Variants in PHACTR1 observed in about 807,000 individuals in gnomAD.
PHACTR1 encodes the protein phosphatase and actin regulator 1.
A neutral mutation model predicts 69.2 loss-of-function variants in PHACTR1; 16 were observed. The ratio of observed to expected loss-of-function variants is 0.23; its 90% CI spans 0.16 to 0.35. The LOEUF (loss-of-function observed/expected upper bound fraction) is 0.35, where lower values mean the gene tolerates loss of function less well. Among genes scored for constraint, PHACTR1 ranks in the 10% least tolerant of loss-of-function variants. The pLI is 1.00. For missense variants in PHACTR1, 510 were observed against 734.7 expected, an observed-to-expected ratio of 0.69 and a Z score of 3.54; for synonymous variants, 312 against 284.5, an observed-to-expected ratio of 1.10 and a Z score of -0.97.
intron 5 of PHACTR1, among the ~76,000 whole-genome samples, chr6:13,117,182 A>T (rs2127930918): frequency 6.6e-6 from 1 of 152,300 alleles, no homozygotes; most frequent in African/African-American, 2.4e-5. Flanking sequence ...TCTTTTCCCC[A>T]GTCTCTTGGA....
At chr6:12,817,452 T>C (rs1775714615) in intron 4 of PHACTR1, among the ~76,000 whole-genome samples, 1 of 152,236 alleles carries the variant, frequency 6.6e-6, no homozygotes, top group Non-Finnish European at 1.5e-5. Flanking sequence ...AACCGGGCTC[T>C]GCCATATACT....
intron 3 of PHACTR1, among the ~76,000 whole-genome samples, chr6:12,729,862 AT>A (rs1224973037): frequency 6.6e-6 from 1 of 152,120 alleles, no homozygotes; most frequent in Non-Finnish European, 1.5e-5. Context: ...TTTTTTCCTG[AT>A]TATGCGGTGA....
chr6:12,949,269 C>CAAAAAAAAAA (rs201027793), intron 4 of PHACTR1, among the ~76,000 whole-genome samples: 1 of 57,032 alleles, frequency 1.8e-5, no homozygotes. Context: ...AACGTCATCT[C>CAAAAAAAAAA]AAAAAAAAAA....
chr6:12,982,249 T>C (rs1795609100), intron 4 of PHACTR1, among the ~76,000 whole-genome samples: 1 of 152,186 alleles, frequency 6.6e-6, no homozygotes, highest in Non-Finnish European at 1.5e-5. Context: ...CAACCCCTAA[T>C]AGTCCTCTAG....
intron 4 of PHACTR1, among the ~76,000 whole-genome samples, chr6:12,750,282 C>T (rs1766444964): frequency 6.6e-6 from 1 of 152,164 alleles, no homozygotes; most frequent in African/African-American, 2.4e-5. Flanking sequence ...CTTTTCCTTG[C>T]ACCAAGCAGC....
chr6:13,225,359 C>G (rs1324518034), intron 8 of PHACTR1, among the ~76,000 whole-genome samples: 1 of 152,208 alleles, frequency 6.6e-6, no homozygotes, highest in Admixed American at 6.5e-5. Flanking sequence ...AAGTCTTTAG[C>G]TGTTTCTCTA....
intron 7 of PHACTR1, chr6:13,196,473 C>G (rs565195636): frequency 3.4e-5 from 6 of 174,452 alleles, no homozygotes; most frequent in South Asian, 3.2e-4. Context: ...CACGGTGGAG[C>G]GCAGTGGTAC....
At chr6:13,257,840 T>G (rs1475101515) in intron 10 of PHACTR1, among the ~76,000 whole-genome samples, 1 of 152,166 alleles carries the variant, frequency 6.6e-6, no homozygotes, top group Non-Finnish European at 1.5e-5. Flanking sequence ...AACTTTAGCA[T>G]GCACGTGCAT....
At chr6:12,921,240 G>C (rs1205386109) in intron 4 of PHACTR1, among the ~76,000 whole-genome samples, 2 of 152,132 alleles carry the variant, frequency 1.3e-5, no homozygotes, top group Non-Finnish European at 2.9e-5. Context: ...TTTAGATCAG[G>C]TCCAAAGTTC....
At chr6:12,784,217 CATG>C (rs1235136703) in intron 4 of PHACTR1, among the ~76,000 whole-genome samples, 2 of 151,948 alleles carry the variant, frequency 1.3e-5, no homozygotes, top group East Asian at 1.9e-4. Context: ...CACACATATA[CATG>C]ATGATATATA....
chr6:13,222,034 C>CAA (rs57083921), intron 8 of PHACTR1, among the ~76,000 whole-genome samples: 6 of 129,282 alleles, frequency 4.6e-5, no homozygotes, highest in African/African-American at 1.1e-4. Context: ...GACTCCATCT[C>CAA]AAAAAAAAAA....
At chr6:13,166,994 C>G (rs1759903863) in intron 6 of PHACTR1, among the ~76,000 whole-genome samples, 1 of 152,192 alleles carries the variant, frequency 6.6e-6, no homozygotes, top group East Asian at 1.9e-4. Flanking sequence ...TAATATTTCT[C>G]ACACTTGGCG....
At chr6:12,842,775 G>A (rs936381830) in intron 4 of PHACTR1, among the ~76,000 whole-genome samples, 2 of 152,026 alleles carry the variant, frequency 1.3e-5, no homozygotes, top group African/African-American at 4.8e-5. Flanking sequence ...CAAACTCTTG[G>A]CCTTAAGCAA....
intron 4 of PHACTR1, among the ~76,000 whole-genome samples, chr6:12,900,098 C>T (rs927699126): frequency 4.6e-5 from 7 of 152,204 alleles, no homozygotes; most frequent in African/African-American, 1.7e-4. Flanking sequence ...CTCTGACATA[C>T]CTCACCCCAC....
intron 4 of PHACTR1, among the ~76,000 whole-genome samples, chr6:12,946,003 T>C (rs965268849): frequency 1.6e-5 from 2 of 124,482 alleles, no homozygotes; most frequent in African/African-American, 6.2e-5. Context: ...AAATAAATGC[T>C]AAAGTTCATG....
chr6:12,821,300 A>G (rs919613981), intron 4 of PHACTR1, among the ~76,000 whole-genome samples: 6 of 151,886 alleles, frequency 4.0e-5, no homozygotes, highest in Non-Finnish European at 7.4e-5. Flanking sequence ...CGTCTCTACT[A>G]AAAAATACAA....
At chr6:12,814,122 A>C (rs538891302) in intron 4 of PHACTR1, among the ~76,000 whole-genome samples, 3 of 152,192 alleles carry the variant, frequency 2.0e-5, no homozygotes, top group African/African-American at 7.2e-5. Flanking sequence ...CTGTTCTCTC[A>C]TGTCCCCTAA....
At chr6:12,869,070 T>A (rs1290038212) in intron 4 of PHACTR1, among the ~76,000 whole-genome samples, 2 of 152,076 alleles carry the variant, frequency 1.3e-5, no homozygotes, top group African/African-American at 4.8e-5. Flanking sequence ...CAAGCCCCTT[T>A]CTACTGCCAC....
At chr6:12,991,085 T>C (rs1796770077) in intron 4 of PHACTR1, among the ~76,000 whole-genome samples, 1 of 152,208 alleles carries the variant, frequency 6.6e-6, no homozygotes, top group Non-Finnish European at 1.5e-5. Context: ...GTTTCCAGGC[T>C]TGAGGGTGGG....
Sources: allele counts gnomAD v4.1 joint callset (sites outside exome capture counted in the v4.1 genomes callset), GRCh38; gene constraint gnomAD v4.1.1; transcripts MANE v1.5; gene names NCBI Gene and HGNC (gene_info 2026-07-23, HGNC 2026-07-21).